Variants in LRRC4C observed in about 807,000 individuals in gnomAD.
The protein encoded by LRRC4C is leucine-rich repeat-containing protein 4C.
In LRRC4C, 5 loss-of-function variants were observed where a neutral mutation model predicts 33.6. The ratio of observed to expected loss-of-function variants is 0.15; its 90% CI spans 0.08 to 0.31. The LOEUF (loss-of-function observed/expected upper bound fraction) is 0.31. Ranked by LOEUF, LRRC4C falls within the 10% of genes least tolerant of loss-of-function variation. LRRC4C has a pLI of 1.00. For synonymous variants in LRRC4C, 329 were observed against 302.0 expected (o/e 1.09, Z -0.93); for missense variants, 560 against 796.7 (o/e 0.70, Z 3.58).
intron 5 of LRRC4C, among the ~76,000 whole-genome samples, chr11:40,152,332 C>T (rs1858289034): frequency 1.3e-5 from 2 of 152,172 alleles, no homozygotes; most frequent in Admixed American, 6.5e-5. Context: ...CCCATTCCTG[C>T]CTGGCACCAC....
At chr11:41,076,999 A>T (rs1939200048) in intron 1 of LRRC4C, among the ~76,000 whole-genome samples, 1 of 152,230 alleles carries the variant, frequency 6.6e-6, no homozygotes, top group Admixed American at 6.5e-5. Flanking sequence ...GGCAGTCATT[A>T]AATCTGAAAA....
chr11:40,954,109 CT>C (rs1958840781), intron 1 of LRRC4C, among the ~76,000 whole-genome samples: 1 of 151,870 alleles, frequency 6.6e-6, no homozygotes, highest in East Asian at 1.9e-4. Flanking sequence ...AAGGCATCTA[CT>C]GCATAGAACT....
At chr11:41,248,337 C>T (rs1318466535) in intron 1 of LRRC4C, among the ~76,000 whole-genome samples, 1 of 152,110 alleles carries the variant, frequency 6.6e-6, no homozygotes, top group African/African-American at 2.4e-5. Context: ...AGGCCTTCAC[C>T]CTCTGTTTAC....
intron 3 of LRRC4C, among the ~76,000 whole-genome samples, chr11:40,453,263 T>C (rs1296747678): frequency 1.3e-5 from 2 of 152,182 alleles, no homozygotes; most frequent in African/African-American, 4.8e-5. Context: ...CTGAGTTTCA[T>C]TTTCTTTAAA....
At chr11:40,849,563 T>C (rs1953374212) in intron 2 of LRRC4C, among the ~76,000 whole-genome samples, 1 of 152,184 alleles carries the variant, frequency 6.6e-6, no homozygotes, top group Non-Finnish European at 1.5e-5. Flanking sequence ...CTGGCTGCCC[T>C]TAACATTTTT....
chr11:40,444,500 A>C (rs1951541303), intron 3 of LRRC4C, among the ~76,000 whole-genome samples: 1 of 151,850 alleles, frequency 6.6e-6, no homozygotes, highest in Admixed American at 6.6e-5. Flanking sequence ...TGCTGAGTTT[A>C]ACTGAATTGA....
chr11:41,415,052 C>T (rs1954626021), intron 1 of LRRC4C, among the ~76,000 whole-genome samples: 1 of 152,148 alleles, frequency 6.6e-6, no homozygotes, highest in African/African-American at 2.4e-5. Context: ...AATCTTCTTT[C>T]CACATACAGT....
At chr11:40,367,525 C>T (rs1565319451) in intron 3 of LRRC4C, among the ~76,000 whole-genome samples, 1 of 152,142 alleles carries the variant, frequency 6.6e-6, no homozygotes, top group Middle Eastern at 3.4e-3. Flanking sequence ...GGAGGCCACA[C>T]TGACAATCTG....
At position 40,627,074 on chromosome 11, in the gene LRRC4C, G is replaced by GTTTTTTTT. The variant is rs33969300; in HGVS notation, c.-270+21060_-270+21067dup. 6.2e-5 allele frequency among the ~76,000 whole-genome samples: 7 copies of GTTTTTTTT among 112,464 alleles called. 1 individual carries two copies. Among genetic ancestry groups the GTTTTTTTT allele is most frequent in the African/African-American group, 6.3e-5 (2 of 31,914 alleles). The allele number at this position is 112,464 out of a possible 152,430, so 73.8% of individuals were successfully genotyped here. On this transcript the variant is annotated intron_variant, in intron 3 of 6. Transcript: ENST00000528697. The stretch of plus-strand genomic sequence containing the variant: ...TTTTTTAAAAGCTGTCAGCTATACT[G>GTTTTTTTT]TTTTTTTTTTTTTTTTTTTGGTTGG...
chr11:40,218,219 C>T (rs1458672101), intron 5 of LRRC4C, among the ~76,000 whole-genome samples: 3 of 152,120 alleles, frequency 2.0e-5, no homozygotes, highest in Non-Finnish European at 4.4e-5. Context: ...CTATAATTCT[C>T]ATTAATTTTA....
chr11:41,391,352 T>G (rs1953587354), intron 1 of LRRC4C, among the ~76,000 whole-genome samples: 1 of 151,860 alleles, frequency 6.6e-6, no homozygotes, highest in Admixed American at 6.6e-5. Context: ...GAACTGGGGA[T>G]ATGTAGATCA....
intron 1 of LRRC4C, among the ~76,000 whole-genome samples, chr11:41,257,847 T>C (rs1948851012): frequency 6.6e-6 from 1 of 152,072 alleles, no homozygotes; most frequent in Non-Finnish European, 1.5e-5. Flanking sequence ...TTCATGAAAA[T>C]TTACCAATCC....
At chr11:40,454,699 T>C (rs1195454773) in intron 3 of LRRC4C, among the ~76,000 whole-genome samples, 1 of 152,122 alleles carries the variant, frequency 6.6e-6, no homozygotes, top group African/African-American at 2.4e-5. Context: ...TGAATATTCA[T>C]TCCTCTCTAC....
In LRRC4C at chr11:40,329,367, G is replaced by A. The variant is rs368115758; in HGVS notation, c.-269-9646C>T. The stretch of plus-strand genomic sequence containing the variant: ...ACATAGCTAATGTAAACAAGTTGAG[G>A]GGAGCAACGGAAACAGTGCTGTAAA... On this transcript the variant is annotated intron_variant, in intron 3 of 6. Coordinates refer to ENST00000528697, the MANE Select transcript of LRRC4C (RefSeq NM_001258419.2). Among the ~76,000 whole-genome samples the A allele has an allele frequency of 5.9e-5, 9 of 152,280 alleles. No individual in the cohort carries two copies. In the East Asian group the frequency reaches 1.7e-3, roughly 29 times the overall value.
chr11:40,804,721 T>G (rs760280717), intron 2 of LRRC4C, among the ~76,000 whole-genome samples: 3 of 152,184 alleles, frequency 2.0e-5, no homozygotes, highest in Non-Finnish European at 1.5e-5. Flanking sequence ...ATCCAAAGAT[T>G]TTACAGCAGA....
intron 5 of LRRC4C, among the ~76,000 whole-genome samples, chr11:40,150,759 C>A (rs1029382385): frequency 6.6e-6 from 1 of 152,114 alleles, no homozygotes; most frequent in African/African-American, 2.4e-5. Flanking sequence ...GACTTTCAAT[C>A]TACCATTCTG....
chr11:41,336,838 G>C (rs1951471585), intron 1 of LRRC4C, among the ~76,000 whole-genome samples: 1 of 151,926 alleles, frequency 6.6e-6, no homozygotes, highest in African/African-American at 2.4e-5. Context: ...TTTTATGTTG[G>C]GATCCATGCT....
In LRRC4C at chr11:40,858,922, T is replaced by C. The variant is rs115014708; in HGVS notation, c.-407+74713A>G. On this transcript the variant is annotated intron_variant, in intron 2 of 6. Coordinates refer to ENST00000528697, the MANE Select transcript of LRRC4C (RefSeq NM_001258419.2). ...AATTGATTTCCATTAAAAAAATTCT[T>C]GCCAAATAGACAAAAACTGTTAAAT... is the stretch of plus-strand genomic sequence containing the variant. 9.5e-3 allele frequency among the ~76,000 whole-genome samples: 1,445 copies of C among 152,194 alleles called. 24 individuals carry two copies. Among genetic ancestry groups the C allele is most frequent in the African/African-American group, 0.032 (1,317 of 41,534 alleles).
At chr11:40,586,798 T>C (rs1458440875) in intron 3 of LRRC4C, among the ~76,000 whole-genome samples, 1 of 152,042 alleles carries the variant, frequency 6.6e-6, no homozygotes, top group Non-Finnish European at 1.5e-5. Flanking sequence ...TATGCGGCGT[T>C]ATTTCTGAGG....
Sources: allele counts gnomAD v4.1 joint callset (sites outside exome capture counted in the v4.1 genomes callset), GRCh38; gene constraint gnomAD v4.1.1; transcripts MANE v1.5; gene names NCBI Gene and HGNC (gene_info 2026-07-23, HGNC 2026-07-21).